The following ARB2A variants were observed in gnomAD, a reference collection of about 807,000 sequenced individuals.
ARB2A encodes ARB2 cotranscriptional regulator A.
the ARB2A span, among the ~76,000 whole-genome samples, chr5:94,105,452 G>A: frequency 6.6e-6 from 1 of 151,996 alleles, no homozygotes. Context: ...GCTCTACGAT[G>A]AGAATTACAA....
chr5:93,918,872 AC>A, the ARB2A span, among the ~76,000 whole-genome samples: 2 of 152,120 alleles, frequency 1.3e-5, no homozygotes, highest in African/African-American at 4.8e-5. Context: ...CATTGCCATC[AC>A]CTGGGATGCT....
chr5:93,886,082 C>G, the ARB2A span, among the ~76,000 whole-genome samples: 3 of 151,686 alleles, frequency 2.0e-5, no homozygotes, highest in Admixed American at 2.0e-4. Context: ...AATGCACGAC[C>G]AAAACCAGAC....
the ARB2A span, among the ~76,000 whole-genome samples, chr5:93,635,459 G>GTTTTTTTTTTTTTTTTTTTTTTTTTTTT: frequency 2.3e-5 from 3 of 128,936 alleles, no homozygotes; most frequent in African/African-American, 9.5e-5. Context: ...TTATACGAAA[G>GTTTTTTTTTTTTTTTTTTTTTTTTTTTT]TTTTTTTTTT....
At chr5:93,866,596 T>C in the ARB2A span, among the ~76,000 whole-genome samples, 1 of 152,170 alleles carries the variant, frequency 6.6e-6, no homozygotes, top group Non-Finnish European at 1.5e-5. Flanking sequence ...GATTGAAAAG[T>C]AGGCCATCTG....
At chr5:93,854,201 G>A in the ARB2A span, among the ~76,000 whole-genome samples, 12 of 152,118 alleles carry the variant, frequency 7.9e-5, no homozygotes, top group Non-Finnish European at 1.3e-4. Context: ...TGTATGTGTC[G>A]AGAAATTTAT....
the ARB2A span, chr5:93,958,757 A>T: frequency 6.8e-7 from 1 of 1,472,636 alleles, no homozygotes. Flanking sequence ...AAAAAAAAAA[A>T]CCCAGGAAAT....
chr5:93,900,688 A>G, the ARB2A span, among the ~76,000 whole-genome samples: 13 of 151,732 alleles, frequency 8.6e-5, no homozygotes, highest in African/African-American at 3.1e-4. Flanking sequence ...TAGTGGTTTT[A>G]GAGTACAATA....
the ARB2A span, among the ~76,000 whole-genome samples, chr5:93,937,031 C>G: frequency 6.6e-6 from 1 of 150,448 alleles, no homozygotes; most frequent in East Asian, 2.0e-4. Flanking sequence ...AGCTCCGCCT[C>G]CCGGGTTAAT....
the ARB2A span, among the ~76,000 whole-genome samples, chr5:93,951,834 T>C: frequency 6.6e-6 from 1 of 152,192 alleles, no homozygotes; most frequent in African/African-American, 2.4e-5. Context: ...TATATACACG[T>C]AGGTACATAC....
chr5:93,849,889 C>T, the ARB2A span, among the ~76,000 whole-genome samples: 2 of 151,918 alleles, frequency 1.3e-5, no homozygotes, highest in Admixed American at 6.6e-5. Context: ...AATCCTAAAC[C>T]CATGAAAAGT....
the ARB2A span, among the ~76,000 whole-genome samples, chr5:93,989,845 C>A: frequency 3.3e-5 from 5 of 152,046 alleles, no homozygotes; most frequent in South Asian, 8.3e-4. Context: ...CTCAGTATAA[C>A]ATCATCATTA....
chr5:93,787,908 G>A, the ARB2A span, among the ~76,000 whole-genome samples: 7 of 152,284 alleles, frequency 4.6e-5, no homozygotes, highest in South Asian at 8.3e-4. Context: ...TAGGGTAAGA[G>A]GGAAAATTAG....
chr5:94,020,323 C>A, the ARB2A span, among the ~76,000 whole-genome samples: 1 of 152,078 alleles, frequency 6.6e-6, no homozygotes, highest in Non-Finnish European at 1.5e-5. Context: ...ATAACTAATG[C>A]AGATGACAGG....
the ARB2A span, among the ~76,000 whole-genome samples, chr5:93,782,942 AAATT>A: frequency 2.7e-4 from 41 of 152,250 alleles, no homozygotes; most frequent in African/African-American, 9.6e-4. Context: ...GCTTGCAAAG[AAATT>A]AATGGCAGGC....
chr5:93,996,858 T>C, the ARB2A span, among the ~76,000 whole-genome samples: 1 of 152,094 alleles, frequency 6.6e-6, no homozygotes, highest in East Asian at 1.9e-4. Context: ...TCTTCTACTC[T>C]GATTACAGCA....
chr5:93,701,870 T>C, the ARB2A span, among the ~76,000 whole-genome samples: 4 of 152,202 alleles, frequency 2.6e-5, no homozygotes, highest in Admixed American at 6.5e-5. Context: ...ATGAGTGCAG[T>C]GGGATATACT....
chr5:93,817,286 C>T, the ARB2A span, among the ~76,000 whole-genome samples: 3 of 152,036 alleles, frequency 2.0e-5, no homozygotes, highest in African/African-American at 4.8e-5. Flanking sequence ...AGAGGAGAAG[C>T]TTAAGACTTG....
chr5:93,915,558 T>C, the ARB2A span, among the ~76,000 whole-genome samples: 3 of 151,922 alleles, frequency 2.0e-5, no homozygotes, highest in Admixed American at 1.3e-4. Flanking sequence ...CACAGGTTCA[T>C]AAAACTTAAA....
At chr5:93,741,884 T>C in the ARB2A span, among the ~76,000 whole-genome samples, 7 of 130,934 alleles carry the variant, frequency 5.3e-5, no homozygotes, top group Non-Finnish European at 1.1e-4. Flanking sequence ...ACCCAGGTAT[T>C]TTCTTATGCC....
Sources: gnomAD v4.1 joint callset for allele counts (sites outside exome capture counted in the v4.1 genomes callset) on GRCh38, gnomAD v4.1.1 for gene constraint, MANE v1.5 for transcripts, NCBI Gene and HGNC (gene_info 2026-07-23, HGNC 2026-07-21) for gene names.